Variants in COL19A1 observed in about 807,000 individuals in gnomAD.
COL19A1 encodes the protein collagen alpha-1(XIX) chain.
A neutral mutation model predicts 190.2 loss-of-function variants in COL19A1; 159 were observed. The observed-to-expected ratio is 0.84, with a 90% CI of 0.73 to 0.95. The LOEUF is 0.95. Among genes scored for constraint, COL19A1 ranks in the 40% least tolerant of loss-of-function variants. The pLI is 0.00. For missense variants in COL19A1, 1,418 were observed against 1,431.9 expected (o/e 0.99, Z 0.16); for synonymous variants, 509 against 458.9 (o/e 1.11, Z -1.39).
intron 15 of COL19A1, among the ~76,000 whole-genome samples, chr6:70,079,172 A>G (rs561669932): frequency 1.3e-5 from 2 of 152,376 alleles, no homozygotes; most frequent in Admixed American, 1.3e-4. Context: ...GATTGAATGA[A>G]CACAGAACAG....
intron 42 of COL19A1, among the ~76,000 whole-genome samples, chr6:70,177,661 C>T (rs1437204262): frequency 6.6e-6 from 1 of 152,250 alleles, no homozygotes; most frequent in Non-Finnish European, 1.5e-5. Context: ...TGACTACACA[C>T]TTAATTCTAT....
intron 4 of COL19A1, among the ~76,000 whole-genome samples, chr6:69,921,367 TC>T (rs1771799723): frequency 9.2e-6 from 1 of 108,224 alleles, no homozygotes; most frequent in African/African-American, 4.3e-5. Context: ...ATCATATATA[TC>T]ATATATATCA....
chr6:69,892,937 C>G (rs1438111680), intron 2 of COL19A1, among the ~76,000 whole-genome samples: 2 of 152,158 alleles, frequency 1.3e-5, no homozygotes, highest in Non-Finnish European at 2.9e-5. Flanking sequence ...GCTATATTAC[C>G]ATAAGTTGAG....
chr6:69,958,243 A>T (rs545078264), intron 9 of COL19A1, among the ~76,000 whole-genome samples: 5 of 152,286 alleles, frequency 3.3e-5, no homozygotes, highest in Admixed American at 2.6e-4. Context: ...TTTTTCCCAA[A>T]AAAGTATTTT....
At chr6:69,921,843 C>T (rs1158933860) in intron 4 of COL19A1, among the ~76,000 whole-genome samples, 3 of 150,762 alleles carry the variant, frequency 2.0e-5, no homozygotes, top group East Asian at 3.9e-4. Flanking sequence ...TATGTAGATT[C>T]GTATATATAT....
At chr6:70,107,154 T>A (rs989621056) in intron 16 of COL19A1, among the ~76,000 whole-genome samples, 5 of 152,174 alleles carry the variant, frequency 3.3e-5, no homozygotes, top group Non-Finnish European at 7.4e-5. Context: ...CAGGAACTGA[T>A]CCCTAAACCT....
At chr6:69,938,206 A>G (rs1165781623) in intron 9 of COL19A1, 106 bp downstream of exon 9, 6 of 1,029,416 alleles carry the variant, frequency 5.8e-6, no homozygotes, top group Non-Finnish European at 8.5e-6. Flanking sequence ...ATATGTTTCT[A>G]TAAAAGGCTA....
chr6:69,968,433 T>A (rs1452569855), intron 11 of COL19A1, among the ~76,000 whole-genome samples: 1 of 152,146 alleles, frequency 6.6e-6, no homozygotes, highest in Non-Finnish European at 1.5e-5. Context: ...TTATTTCAGA[T>A]AGATAGATTT....
At chr6:69,977,732 G>A (rs548374598) in intron 11 of COL19A1, among the ~76,000 whole-genome samples, 1 of 152,198 alleles carries the variant, frequency 6.6e-6, no homozygotes, top group South Asian at 2.1e-4. Context: ...GAGGATAATA[G>A]ATGTGGCCTC....
rs779020448 is a variant in COL19A1 at position 70,150,044 on chromosome 6, C to T, written c.2036C>T (p.Pro679Leu). 9.9e-5 allele frequency: 160 copies of T among 1,613,482 alleles called. No homozygotes were observed. Among genetic ancestry groups the T allele is most frequent in the Non-Finnish European group, 1.2e-4 (138 of 1,179,774 alleles). ...KPGLPGPPGD[P>L]IALPLLGDIG... ...GGCCTGCCAGGCCCCCCAGGTGACC[C>T]GGTATGTAGACAAACCTTGTCTGAT... Residue 679 changes from proline to leucine, a missense_variant and splice_region_variant, in exon 30 of 51, where the codon CCG becomes CTG. Transcript: ENST00000620364.
chr6:70,141,800 A>T, intron 20 of COL19A1, 93 bp from the exon 21 acceptor site: 1 of 825,356 alleles, frequency 1.2e-6, no homozygotes. Flanking sequence ...TTTTTATTGT[A>T]TGTTAATTAG....
chr6:70,040,838 CTT>C (rs1009347828), intron 14 of COL19A1, among the ~76,000 whole-genome samples: 6 of 152,132 alleles, frequency 3.9e-5, no homozygotes, highest in Non-Finnish European at 5.9e-5. Context: ...TAGAATTATA[CTT>C]TTTGATATGA....
intron 9 of COL19A1, among the ~76,000 whole-genome samples, chr6:69,942,941 G>C (rs889491897): frequency 6.6e-6 from 1 of 151,940 alleles, no homozygotes; most frequent in African/African-American, 2.4e-5. Flanking sequence ...GGATCACATG[G>C]TAGTTCCATT....
chr6:69,989,025 T>C (rs1218425123), intron 11 of COL19A1, among the ~76,000 whole-genome samples: 1 of 152,202 alleles, frequency 6.6e-6, no homozygotes, highest in East Asian at 1.9e-4. Flanking sequence ...CTCCCCTCTT[T>C]TCCTGTCACA....
chr6:70,109,655 G>A (rs947630141), intron 16 of COL19A1, among the ~76,000 whole-genome samples: 1 of 151,462 alleles, frequency 6.6e-6, no homozygotes, highest in Non-Finnish European at 1.5e-5. Flanking sequence ...TATTCTGAAG[G>A]TAATATTGTT....
At chr6:70,082,108 C>T (rs925578922) in intron 15 of COL19A1, among the ~76,000 whole-genome samples, 3 of 151,994 alleles carry the variant, frequency 2.0e-5, no homozygotes, top group Admixed American at 1.3e-4. Flanking sequence ...TTTTATTTTC[C>T]ACCAAAAGAA....
At chr6:69,974,298 T>C (rs1775590343) in intron 11 of COL19A1, 1 of 152,248 alleles carries the variant, frequency 6.6e-6, no homozygotes, top group Non-Finnish European at 1.5e-5. Flanking sequence ...GGTAAAGCGA[T>C]AATGCTTTGG....
intron 11 of COL19A1, among the ~76,000 whole-genome samples, chr6:69,987,411 A>G (rs1776370744): frequency 6.6e-6 from 1 of 152,216 alleles, no homozygotes; most frequent in South Asian, 2.1e-4. Flanking sequence ...CTTGACCCAG[A>G]CATACGGCTA....
chr6:69,999,054 A>T (rs565088956), intron 11 of COL19A1, among the ~76,000 whole-genome samples: 1 of 151,782 alleles, frequency 6.6e-6, no homozygotes, highest in South Asian at 2.1e-4. Context: ...CCTCCCGAGT[A>T]GCTGGGATCA....
Sources: gnomAD v4.1 joint callset for allele counts (sites outside exome capture counted in the v4.1 genomes callset) on GRCh38, gnomAD v4.1.1 for gene constraint, MANE v1.5 for transcripts, NCBI Gene and HGNC (gene_info 2026-07-23, HGNC 2026-07-21) for gene names.